The following TLL2 variants were observed in gnomAD, a reference collection of about 807,000 sequenced individuals.
TLL2 encodes tolloid-like protein 2.
TLL2 carries 106 observed loss-of-function variants against 123.0 expected under a neutral mutation model. The ratio of observed to expected loss-of-function variants is 0.86; its 90% CI spans 0.74 to 1.01. The LOEUF (loss-of-function observed/expected upper bound fraction) is 1.01, where lower values mean the gene tolerates loss of function less well. Ranked by LOEUF, TLL2 falls within the 50% of genes least tolerant of loss-of-function variation. The probability of loss-of-function intolerance (pLI) is 0.00; values close to 1 mark genes in which losing one functional copy is unlikely to be tolerated. For synonymous variants in TLL2, 494 were observed against 516.8 expected (o/e 0.96, Z 0.60); for missense variants, 1,332 against 1,336.7 (o/e 1.00, Z 0.06).
chr10:96,373,895 G>C, intron 18 of TLL2, 86 bp from the exon 19 acceptor site: 1 of 1,250,352 alleles, frequency 8.0e-7, no homozygotes, highest in East Asian at 2.3e-5. Flanking sequence ...GACAGGAAGG[G>C]GCGAGGCAGT....
At chr10:96,417,672 G>T (rs1564903132) in intron 7 of TLL2, among the ~76,000 whole-genome samples, 1 of 152,178 alleles carries the variant, frequency 6.6e-6, no homozygotes, top group Non-Finnish European at 1.5e-5. Flanking sequence ...CCCATGCAGT[G>T]TAAAGCCTGG....
intron 2 of TLL2, among the ~76,000 whole-genome samples, chr10:96,462,747 G>A (rs940586451): frequency 2.0e-5 from 3 of 152,180 alleles, no homozygotes; most frequent in Non-Finnish European, 4.4e-5. Flanking sequence ...ATGCCTGAAT[G>A]AAATTTATCT....
intron 15 of TLL2, among the ~76,000 whole-genome samples, chr10:96,385,579 C>A (rs902396606): frequency 4.6e-5 from 7 of 152,240 alleles, no homozygotes; most frequent in Admixed American, 3.3e-4. Context: ...GTCCTTCCAG[C>A]CTAAGGTGCA....
intron 9 of TLL2, among the ~76,000 whole-genome samples, chr10:96,406,650 C>T (rs1036842362): frequency 3.3e-5 from 5 of 152,146 alleles, no homozygotes; most frequent in Admixed American, 2.6e-4. Flanking sequence ...CCTTGTGCCC[C>T]ATGACCCCTC....
chr10:96,405,731 T>A (rs1043230227), intron 9 of TLL2, among the ~76,000 whole-genome samples: 4 of 152,074 alleles, frequency 2.6e-5, no homozygotes, highest in African/African-American at 9.7e-5. Context: ...TTCCAAAGGG[T>A]CTGGGGTTAG....
intron 3 of TLL2, among the ~76,000 whole-genome samples, chr10:96,445,277 C>A (rs930975688): frequency 6.6e-6 from 1 of 152,188 alleles, no homozygotes; most frequent in Non-Finnish European, 1.5e-5. Context: ...CTGCAGGATG[C>A]AGGCCAGACG....
chr10:96,431,387 C>T (rs1208454351), intron 4 of TLL2, among the ~76,000 whole-genome samples: 1 of 152,156 alleles, frequency 6.6e-6, no homozygotes, highest in African/African-American at 2.4e-5. Flanking sequence ...TTCACCGTTC[C>T]CTAACTTACT....
chr10:96,459,669 CAA>C (rs1165594084), intron 2 of TLL2, among the ~76,000 whole-genome samples: 37 of 24,426 alleles, frequency 1.5e-3, no homozygotes, highest in South Asian at 2.9e-3. Flanking sequence ...GATCCTGTTT[CAA>C]AAAAAAAAAA....
In TLL2 at chr10:96,480,219, C is replaced by T. The variant is rs189303111; in HGVS notation, c.286+130G>A. 19 of 747,900 alleles carry T rather than the reference C, an allele frequency of 2.5e-5. No homozygotes were observed. The East Asian group carries it at 2.8e-4, about 11-fold the overall frequency. 46.3% of individuals were successfully genotyped at this position (747,900 alleles called of 1,614,324 possible). Reference sequence around the variant, plus strand: ...CAGTGGAGAAGGAGAAGTGACCCCTCTGATTTTCCACAAATAGGGGGGCAT... The same window carrying T: ...CAGTGGAGAAGGAGAAGTGACCCCTTTGATTTTCCACAAATAGGGGGGCAT... On this transcript the variant is annotated intron_variant, in intron 2 of 20. Transcript: ENST00000357947.
At chr10:96,445,188 CA>C (rs964113774) in intron 3 of TLL2, among the ~76,000 whole-genome samples, 21 of 148,382 alleles carry the variant, frequency 1.4e-4, no homozygotes, top group Admixed American at 4.0e-4. Flanking sequence ...GACTCCACCT[CA>C]AAAAAAAAAA....
intron 1 of TLL2, among the ~76,000 whole-genome samples, chr10:96,481,861 C>T (rs1047557242): frequency 6.6e-6 from 1 of 152,106 alleles, no homozygotes; most frequent in African/African-American, 2.4e-5. Context: ...ATCCTCATAA[C>T]TACAGAAAAA....
chr10:96,505,904 C>T (rs148307602), intron 1 of TLL2, among the ~76,000 whole-genome samples: 403 of 152,210 alleles, frequency 2.6e-3, no homozygotes, highest in Non-Finnish European at 4.6e-3. Context: ...GATACACAAA[C>T]GGACACTGAG....
chr10:96,391,049 A>C (rs1041335334), intron 13 of TLL2, among the ~76,000 whole-genome samples: 3 of 152,204 alleles, frequency 2.0e-5, no homozygotes, highest in African/African-American at 4.8e-5. Flanking sequence ...AAGGTCACCT[A>C]TGTGGCTTCT....
intron 15 of TLL2, among the ~76,000 whole-genome samples, chr10:96,385,429 T>A (rs1846225042): frequency 6.6e-6 from 1 of 152,124 alleles, no homozygotes; most frequent in African/African-American, 2.4e-5. Flanking sequence ...TGCATTGGGG[T>A]CATCAGCATT....
chr10:96,411,400 T>C (rs942299587), intron 8 of TLL2, among the ~76,000 whole-genome samples: 1 of 151,576 alleles, frequency 6.6e-6, no homozygotes. Flanking sequence ...GAAAGAACTA[T>C]AAAGCAGTCA....
intron 1 of TLL2, among the ~76,000 whole-genome samples, chr10:96,490,549 A>T (rs59539366): frequency 0.17 from 26,497 of 152,256 alleles, 2,651 homozygotes; most frequent in East Asian, 0.43. Flanking sequence ...CAAATGGGTT[A>T]GCTATTTGAG....
chr10:96,477,585 CA>C (rs1337029430), intron 2 of TLL2, among the ~76,000 whole-genome samples: 6 of 152,214 alleles, frequency 3.9e-5, no homozygotes, highest in African/African-American at 1.4e-4. Flanking sequence ...GAGGAGGAAG[CA>C]GATGAAATGT....
chr10:96,433,097 G>A, intron 3 of TLL2, 135 bp from the exon 4 acceptor site: 1 of 1,225,182 alleles, frequency 8.2e-7, no homozygotes, highest in Non-Finnish European at 1.1e-6. Context: ...TCAGTTCAGG[G>A]TTTGGAAGCC....
intron 1 of TLL2, among the ~76,000 whole-genome samples, chr10:96,499,331 G>A (rs1000475808): frequency 1.3e-5 from 2 of 152,204 alleles, no homozygotes; most frequent in Admixed American, 6.5e-5. Context: ...ATTTCAGCCC[G>A]GGATGGGTGG....
Sources: allele counts gnomAD v4.1 joint callset (sites outside exome capture counted in the v4.1 genomes callset), GRCh38; gene constraint gnomAD v4.1.1; transcripts MANE v1.5; gene names NCBI Gene and HGNC (gene_info 2026-07-23, HGNC 2026-07-21).